TRPM7: variants seen among roughly 807,000 people sequenced by gnomAD.
TRPM7 encodes the protein LTRPC ion channel family member 7.
TRPM7 carries 134 observed loss-of-function variants against 229.7 expected under a neutral mutation model. The observed-to-expected ratio is 0.58, with a 90% CI of 0.51 to 0.67. The LOEUF (loss-of-function observed/expected upper bound fraction) is 0.67, where lower values mean the gene tolerates loss of function less well. Ranked by LOEUF, TRPM7 falls within the 30% of genes least tolerant of loss-of-function variation. TRPM7 has a pLI of 0.00. For missense variants in TRPM7, 1,901 were observed against 2,210.0 expected, an observed-to-expected ratio of 0.86 and a Z score of 2.80; for synonymous variants, 699 against 715.2, an observed-to-expected ratio of 0.98 and a Z score of 0.36.
chr15:50,628,424 T>A (rs1383333805), intron 10 of TRPM7, among the ~76,000 whole-genome samples, 175 bp from the exon 11 acceptor site: 1 of 152,014 alleles, frequency 6.6e-6, no homozygotes, highest in Non-Finnish European at 1.5e-5. Flanking sequence ...CCTCCCGCCT[T>A]AGCCTCCAAG....
At chr15:50,585,315 G>A (rs190304336) in intron 28 of TRPM7, among the ~76,000 whole-genome samples, 30 of 152,138 alleles carry the variant, frequency 2.0e-4, no homozygotes, top group Non-Finnish European at 2.6e-4. Context: ...CACCTGCCTC[G>A]GCCTCCCAAA....
chr15:50,643,851 C>A (rs2061181373), intron 4 of TRPM7, among the ~76,000 whole-genome samples: 1 of 152,062 alleles, frequency 6.6e-6, no homozygotes, highest in Non-Finnish European at 1.5e-5. Context: ...CAAGTACCTG[C>A]AGTATTTATT....
At chr15:50,649,445 A>AT (rs1437993162) in intron 3 of TRPM7, among the ~76,000 whole-genome samples, 7 of 151,978 alleles carry the variant, frequency 4.6e-5, no homozygotes, top group Admixed American at 2.6e-4. Context: ...CTCAAAAAAA[A>AT]AAAAAAGAAA....
intron 4 of TRPM7, among the ~76,000 whole-genome samples, chr15:50,648,419 C>T (rs757558740): frequency 1.3e-5 from 2 of 151,902 alleles, no homozygotes; most frequent in Non-Finnish European, 2.9e-5. Context: ...AAGGTTAAAA[C>T]CGAAAAGGAA....
At chr15:50,639,974 A>C (rs2061041058) in intron 5 of TRPM7, among the ~76,000 whole-genome samples, 1 of 152,318 alleles carries the variant, frequency 6.6e-6, no homozygotes, top group African/African-American at 2.4e-5. Context: ...AGGACCAAAA[A>C]GGAACAAAAA....
rs749992841 is a variant in TRPM7 at position 50,633,013 on chromosome 15, A to C, written c.1008-21T>G. On this transcript the variant is annotated intron_variant, in intron 8 of 38. Coordinates refer to ENST00000646667, the MANE Select transcript of TRPM7 (RefSeq NM_017672.6). ...GATTCCTGGAATAAAAGGAAACATAATTCACTGATTTCATCTTCCATTATT... is the reference window on the plus strand; with the variant it reads ...GATTCCTGGAATAAAAGGAAACATACTTCACTGATTTCATCTTCCATTATT... 2.7e-5 allele frequency: 42 copies of C among 1,572,228 alleles called. 1 individual carries two copies. The Middle Eastern group carries it at 6.8e-3, about 256-fold the overall frequency.
At chr15:50,680,129 G>A (rs989954713) in intron 1 of TRPM7, among the ~76,000 whole-genome samples, 5 of 152,062 alleles carry the variant, frequency 3.3e-5, no homozygotes, top group African/African-American at 1.2e-4. Context: ...AGCTACTCGG[G>A]AGGCTGACAG....
intron 36 of TRPM7, among the ~76,000 whole-genome samples, chr15:50,572,265 A>G (rs1359016524): frequency 1.3e-5 from 2 of 152,352 alleles, no homozygotes; most frequent in East Asian, 3.9e-4. Flanking sequence ...CAGCCTGGGC[A>G]ACAGAAAGAG....
chr15:50,617,662 T>C (rs964893999), intron 13 of TRPM7, among the ~76,000 whole-genome samples: 1 of 152,098 alleles, frequency 6.6e-6, no homozygotes, highest in Non-Finnish European at 1.5e-5. Flanking sequence ...CGTCATTCTT[T>C]TTTCTTAAGA....
intron 38 of TRPM7, among the ~76,000 whole-genome samples, chr15:50,566,153 ATT>A (rs2053589130): frequency 6.6e-6 from 1 of 152,142 alleles, no homozygotes; most frequent in Admixed American, 6.6e-5. Flanking sequence ...ATTAAAAAAA[ATT>A]TAATTGAAAT....
At chr15:50,648,450 T>C (rs75430394) in intron 4 of TRPM7, among the ~76,000 whole-genome samples, 170 of 152,268 alleles carry the variant, frequency 1.1e-3, no homozygotes, top group Non-Finnish European at 1.9e-3. Flanking sequence ...TTAACTACAC[T>C]GATTGCAGAA....
rs182687653 is a variant in TRPM7, at chr15:50,604,062, T to A, written c.2988+804A>T. ...GGAATAGCAATAGCTATATTACAAA[T>A]TTTGCCTTTTTCACCACTGAAAACT... On this transcript the variant is annotated intron_variant, in intron 21 of 38. Coordinates refer to ENST00000646667, the MANE Select transcript of TRPM7 (RefSeq NM_017672.6). 3 of 152,248 alleles carry A rather than the reference T, an allele frequency of 2.0e-5. No individual in the cohort carries two copies. In the East Asian group the frequency reaches 5.8e-4, roughly 29 times the overall value. 9.4% of individuals were successfully genotyped at this position (152,248 alleles called of 1,614,324 possible). A position where few individuals can be genotyped will look rare whatever the true frequency, so the allele number is the denominator to read the frequency against.
At chr15:50,634,240 G>A in intron 8 of TRPM7, 142 bp downstream of exon 8, 1 of 534,932 alleles carries the variant, frequency 1.9e-6, no homozygotes, top group Non-Finnish European at 2.9e-6. Flanking sequence ...AAAATCGCTT[G>A]AACCTGGGAG....
intron 3 of TRPM7, among the ~76,000 whole-genome samples, chr15:50,656,201 A>G (rs2061565217): frequency 6.6e-6 from 1 of 152,204 alleles, no homozygotes; most frequent in African/African-American, 2.4e-5. Context: ...ATCGTCAAAC[A>G]AGAGACACCA....
At chr15:50,612,496 C>G in intron 16 of TRPM7, 53 bp downstream of exon 16, 1 of 1,550,842 alleles carries the variant, frequency 6.4e-7, no homozygotes, top group Non-Finnish European at 8.8e-7. Flanking sequence ...GCCACTCAAA[C>G]AATACCTACT....
At chr15:50,580,449 T>C (rs2054345015) in intron 30 of TRPM7, among the ~76,000 whole-genome samples, 1 of 152,186 alleles carries the variant, frequency 6.6e-6, no homozygotes, top group Non-Finnish European at 1.5e-5. Context: ...ATGCATACTG[T>C]GTATTACTGC....
At position 50,634,560 on chromosome 15, in the gene TRPM7, A is replaced by G; in HGVS notation, c.833-4T>C. 7.1e-7 allele frequency: 1 copy of G among 1,398,710 alleles called. No homozygotes were observed. Among genetic ancestry groups the G allele is most frequent in the Non-Finnish European group, 9.3e-7 (1 of 1,071,488 alleles). The allele number at this position is 1,398,710 out of a possible 1,614,324, so 86.6% of individuals were successfully genotyped here. On this transcript the variant is annotated splice_polypyrimidine_tract_variant and splice_region_variant and intron_variant, in intron 7 of 38. Transcript: ENST00000646667. ...ACAGGGACACCCTGGCCAATCCCTA[A>G]AAAGAGCAAAGTTAAATTAAAAAAT...
intron 21 of TRPM7, chr15:50,603,934 A>C (rs1218958105): frequency 6.6e-6 from 1 of 152,186 alleles, no homozygotes; most frequent in Non-Finnish European, 1.5e-5. Flanking sequence ...ACATCTTGAG[A>C]GATGGAAGGA....
At chr15:50,654,684 A>C (rs959583137) in intron 3 of TRPM7, among the ~76,000 whole-genome samples, 12 of 151,344 alleles carry the variant, frequency 7.9e-5, no homozygotes, top group African/African-American at 2.9e-4. Flanking sequence ...AGCACTGAAA[A>C]ATGTAATGTA....
Sources: allele counts gnomAD v4.1 joint callset (sites outside exome capture counted in the v4.1 genomes callset), GRCh38; gene constraint gnomAD v4.1.1; transcripts MANE v1.5; gene names NCBI Gene and HGNC (gene_info 2026-07-23, HGNC 2026-07-21).